SBF2: variants seen among roughly 807,000 people sequenced by gnomAD.
The protein encoded by SBF2 is SET binding factor 2.
In SBF2, 112 loss-of-function variants were observed where a neutral mutation model predicts 225.2. The ratio of observed to expected loss-of-function variants is 0.50; its 90% CI spans 0.43 to 0.58. The LOEUF (loss-of-function observed/expected upper bound fraction) is 0.58, where lower values mean the gene tolerates loss of function less well. Ranked by LOEUF, SBF2 falls within the 20% of genes least tolerant of loss-of-function variation. The pLI, the probability that SBF2 is intolerant of heterozygous loss-of-function variation, is 0.00. For missense variants in SBF2, 1,996 were observed against 2,206.2 expected (o/e 0.90, Z 1.91); for synonymous variants, 763 against 773.3 (o/e 0.99, Z 0.22).
At chr11:10,163,071 G>A (rs966538147) in intron 2 of SBF2, among the ~76,000 whole-genome samples, 4 of 152,174 alleles carry the variant, frequency 2.6e-5, no homozygotes, top group African/African-American at 4.8e-5. Flanking sequence ...TAAATTCACT[G>A]AGGGACAAAG....
intron 16 of SBF2, among the ~76,000 whole-genome samples, chr11:9,939,777 C>A (rs1865139898): frequency 6.6e-6 from 1 of 151,982 alleles, no homozygotes; most frequent in African/African-American, 2.4e-5. Flanking sequence ...GACGTATATA[C>A]AAGGATGTTT....
intron 2 of SBF2, among the ~76,000 whole-genome samples, chr11:10,063,858 C>CACAGAGAGAGAGAGAGAGAGAGAGAGAG (rs373423157): frequency 1.5e-5 from 2 of 136,234 alleles, no homozygotes; most frequent in East Asian, 2.2e-4. Flanking sequence ...CACACACACA[C>CACAGAGAGAGAGAGAGAGAGAGAGAGAG]AGAGAGAGAG....
At chr11:10,122,790 A>G (rs554707042) in intron 2 of SBF2, among the ~76,000 whole-genome samples, 6 of 152,344 alleles carry the variant, frequency 3.9e-5, no homozygotes, top group African/African-American at 1.2e-4. Context: ...AGGCTAGGTC[A>G]GCCCTTCATA....
At chr11:10,289,440 T>C (rs1964019496) in intron 1 of SBF2, among the ~76,000 whole-genome samples, 1 of 152,096 alleles carries the variant, frequency 6.6e-6, no homozygotes, top group Non-Finnish European at 1.5e-5. Context: ...GCCCTAGCCA[T>C]GCCCCCTCGT....
intron 24 of SBF2, 72 bp downstream of exon 24, chr11:9,845,493 C>A: frequency 1.5e-6 from 2 of 1,372,240 alleles, no homozygotes; most frequent in Admixed American, 1.7e-5. Flanking sequence ...CACCTGGACA[C>A]AAAGGATAGG....
intron 2 of SBF2, among the ~76,000 whole-genome samples, chr11:10,120,687 C>T (rs952817219): frequency 3.9e-5 from 6 of 152,194 alleles, no homozygotes; most frequent in South Asian, 2.1e-4. Flanking sequence ...GTGGCGTGAT[C>T]TCAGCTCACT....
chr11:10,067,614 G>T (rs995494469), intron 2 of SBF2, among the ~76,000 whole-genome samples: 4 of 152,062 alleles, frequency 2.6e-5, no homozygotes, highest in African/African-American at 9.7e-5. Flanking sequence ...TGGAAATAAG[G>T]TCTGGTGTGG....
At chr11:9,938,839 T>TA (rs1049722986) in intron 16 of SBF2, among the ~76,000 whole-genome samples, 4 of 151,514 alleles carry the variant, frequency 2.6e-5, no homozygotes, top group South Asian at 2.1e-4. Flanking sequence ...TAGAGGTTAT[T>TA]AAAAAAAAGG....
intron 19 of SBF2, 54 bp from the exon 20 acceptor site, chr11:9,853,766 T>A: frequency 6.7e-7 from 1 of 1,482,906 alleles, no homozygotes; most frequent in Non-Finnish European, 9.4e-7. Context: ...AACAAATGAC[T>A]ACTATATAGT....
chr11:10,106,072 G>A (rs1952535744), intron 2 of SBF2, among the ~76,000 whole-genome samples: 1 of 152,062 alleles, frequency 6.6e-6, no homozygotes, highest in Non-Finnish European at 1.5e-5. Context: ...ATATGTGCAG[G>A]TTTGTTACAT....
intron 2 of SBF2, among the ~76,000 whole-genome samples, chr11:10,124,888 T>G (rs1450408229): frequency 6.6e-6 from 1 of 152,078 alleles, no homozygotes; most frequent in Non-Finnish European, 1.5e-5. Context: ...GCGGATCACC[T>G]GAGGTCAGGA....
chr11:9,992,364 AC>A lies in SBF2; in HGVS notation c.1296+50del. On this transcript the variant is annotated intron_variant, in intron 12 of 39. Coordinates refer to ENST00000256190, the MANE Select transcript of SBF2 (RefSeq NM_030962.4). ...AAAATGTTACTTTTTACTTTTAACTACTAGTCTAATTATGTCTATAAATAAT... is the reference window on the plus strand; with the variant it reads ...AAAATGTTACTTTTTACTTTTAACTATAGTCTAATTATGTCTATAAATAAT... 3 of 1,480,832 alleles carry A rather than the reference AC, an allele frequency of 2.0e-6. No homozygotes were observed. The East Asian group carries it at 7.0e-5, about 35-fold the overall frequency. The allele number at this position is 1,480,832 out of a possible 1,614,324, so 91.7% of individuals were successfully genotyped here.
chr11:10,137,749 G>A (rs1366998591), intron 2 of SBF2, among the ~76,000 whole-genome samples: 3 of 152,150 alleles, frequency 2.0e-5, no homozygotes, highest in Non-Finnish European at 4.4e-5. Flanking sequence ...GTTCACGTCT[G>A]TAATCCCAGC....
At chr11:10,204,525 G>T (rs1365183832) in intron 1 of SBF2, among the ~76,000 whole-genome samples, 2 of 151,830 alleles carry the variant, frequency 1.3e-5, no homozygotes, top group East Asian at 1.9e-4. Flanking sequence ...TGTAGTCCCA[G>T]CTACTCAGGA....
chr11:10,291,047 A>G lies in SBF2; in HGVS notation c.55+2968T>C, dbSNP rs148582071. 6.4e-3 allele frequency among the ~76,000 whole-genome samples: 968 copies of G among 152,320 alleles called. 8 individuals are homozygous for G. The highest frequency in any genetic ancestry group is 0.022 in the African/African-American group (933 of 41,572). On this transcript the variant is annotated intron_variant, in intron 1 of 39. Coordinates refer to ENST00000256190, the MANE Select transcript of SBF2 (RefSeq NM_030962.4). ...AGTACAAAGTTGTTCTCAAAGAGTG[A>G]TGGGGATGTACCATAAGAACACAGA...
intron 15 of SBF2, among the ~76,000 whole-genome samples, chr11:9,963,395 G>A (rs980158067): frequency 6.6e-6 from 1 of 152,226 alleles, no homozygotes; most frequent in East Asian, 1.9e-4. Context: ...AACTTGGGAC[G>A]TAGAGGCTGC....
At chr11:9,814,604 A>G (rs1277043915) in intron 29 of SBF2, among the ~76,000 whole-genome samples, 1 of 152,248 alleles carries the variant, frequency 6.6e-6, no homozygotes, top group African/African-American at 2.4e-5. Flanking sequence ...CATGGGATGA[A>G]TAGTGACTAA....
intron 1 of SBF2, among the ~76,000 whole-genome samples, chr11:10,206,369 C>T (rs1324758435): frequency 6.6e-6 from 1 of 151,928 alleles, no homozygotes; most frequent in African/African-American, 2.4e-5. Context: ...ACTGGAACAA[C>T]AGCCTACAAA....
chr11:9,826,489 C>T (rs958116808), intron 28 of SBF2, among the ~76,000 whole-genome samples: 1 of 152,034 alleles, frequency 6.6e-6, no homozygotes, highest in African/African-American at 2.4e-5. Context: ...AGAAAGCAAG[C>T]CTGACAAGAG....
Sources: gnomAD v4.1 joint callset for allele counts (sites outside exome capture counted in the v4.1 genomes callset) on GRCh38, gnomAD v4.1.1 for gene constraint, MANE v1.5 for transcripts, NCBI Gene and HGNC (gene_info 2026-07-23, HGNC 2026-07-21) for gene names.